SH3RF3: variants seen among roughly 807,000 people sequenced by gnomAD.
SH3RF3 encodes the protein SH3 domain containing ring finger 3, also known as E3 ubiquitin-protein ligase SH3RF3.
In SH3RF3, 29 loss-of-function variants were observed where a neutral mutation model predicts 66.3. The observed-to-expected ratio is 0.44, with a 90% CI of 0.33 to 0.60. SH3RF3 has a LOEUF of 0.60. Ranked by LOEUF, SH3RF3 falls within the 20% of genes least tolerant of loss-of-function variation. The probability of loss-of-function intolerance (pLI) is 0.04; values close to 1 mark genes in which losing one functional copy is unlikely to be tolerated. For synonymous variants in SH3RF3, 583 were observed against 532.0 expected, an observed-to-expected ratio of 1.10 and a Z score of -1.32; for missense variants, 1,194 against 1,190.9, an observed-to-expected ratio of 1.00 and a Z score of -0.04.
At chr2:109,488,634 G>C (rs906913616) in intron 8 of SH3RF3, among the ~76,000 whole-genome samples, 1 of 152,128 alleles carries the variant, frequency 6.6e-6, no homozygotes, top group African/African-American at 2.4e-5. Context: ...TTCTACCCAA[G>C]CAGTTCCCGA....
chr2:109,401,974 C>A (rs1676329000), intron 4 of SH3RF3, among the ~76,000 whole-genome samples: 1 of 152,214 alleles, frequency 6.6e-6, no homozygotes, highest in South Asian at 2.1e-4. Flanking sequence ...CATGGCCAGG[C>A]TACTGACTTT....
intron 1 of SH3RF3, among the ~76,000 whole-genome samples, chr2:109,148,328 A>G (rs1004809048): frequency 1.3e-5 from 2 of 152,244 alleles, no homozygotes; most frequent in Non-Finnish European, 2.9e-5. Context: ...CAGCCAGCCC[A>G]GGCCAGAGCG....
intron 1 of SH3RF3, among the ~76,000 whole-genome samples, chr2:109,130,811 T>C (rs1399869381): frequency 6.6e-6 from 1 of 152,202 alleles, no homozygotes; most frequent in East Asian, 1.9e-4. Flanking sequence ...GGGCCTTCGC[T>C]GCTTCTGTTT....
chr2:109,479,801 A>G (rs1448568591), intron 8 of SH3RF3, among the ~76,000 whole-genome samples: 2 of 152,212 alleles, frequency 1.3e-5, no homozygotes, highest in Non-Finnish European at 2.9e-5. Flanking sequence ...CGGGTTTCGC[A>G]GACCCCCAAA....
chr2:109,436,542 A>G (rs1677404208), intron 6 of SH3RF3, among the ~76,000 whole-genome samples: 2 of 152,246 alleles, frequency 1.3e-5, no homozygotes, highest in Non-Finnish European at 2.9e-5. Context: ...CTCGCGGGAC[A>G]TGACTGAGTC....
At chr2:109,357,787 T>C (rs1475322636) in intron 2 of SH3RF3, among the ~76,000 whole-genome samples, 1 of 152,206 alleles carries the variant, frequency 6.6e-6, no homozygotes, top group Non-Finnish European at 1.5e-5. Context: ...CCGTTGTAAG[T>C]TCACAGCAAA....
intron 1 of SH3RF3, among the ~76,000 whole-genome samples, chr2:109,168,706 A>G (rs1677687713): frequency 6.6e-6 from 1 of 152,154 alleles, no homozygotes; most frequent in African/African-American, 2.4e-5. Context: ...GTCTGTTGTG[A>G]TGCCTTCTGG....
intron 8 of SH3RF3, among the ~76,000 whole-genome samples, chr2:109,467,408 A>G (rs535849055): frequency 1.3e-5 from 2 of 152,362 alleles, no homozygotes; most frequent in East Asian, 1.9e-4. Flanking sequence ...TCCCGTGTCT[A>G]TAAAACTTTG....
intron 8 of SH3RF3, among the ~76,000 whole-genome samples, chr2:109,472,315 C>A: frequency 6.6e-6 from 1 of 151,470 alleles, no homozygotes; most frequent in East Asian, 2.0e-4. Flanking sequence ...AGGGGCCTCC[C>A]GGGCCCTCCT....
intron 1 of SH3RF3, among the ~76,000 whole-genome samples, chr2:109,162,788 C>T (rs116444112): frequency 0.013 from 1,910 of 152,252 alleles, 49 homozygotes; most frequent in African/African-American, 0.043. Context: ...TCTAGATCCC[C>T]GAGGAATCAC....
At chr2:109,404,697 C>A (rs796881129) in intron 4 of SH3RF3, among the ~76,000 whole-genome samples, 2 of 152,082 alleles carry the variant, frequency 1.3e-5, no homozygotes, top group South Asian at 4.1e-4. Flanking sequence ...AGCACCTTTG[C>A]GGAAGGCCCA....
chr2:109,273,228 G>C lies in SH3RF3; in HGVS notation c.574-74446G>C, dbSNP rs572180677. Among the ~76,000 whole-genome samples the C allele has an allele frequency of 2.3e-4, 35 of 152,334 alleles. No homozygotes were observed. The South Asian group carries it at 5.6e-3, about 24-fold the overall frequency. On this transcript the variant is annotated intron_variant, in intron 1 of 9. Transcript: ENST00000309415. ...CCTGAGAATAATTGCACAGTCGTCTGTTCAGTGCTGCCTGCCAGGCTGGGA... is the reference window on the plus strand; with the variant it reads ...CCTGAGAATAATTGCACAGTCGTCTCTTCAGTGCTGCCTGCCAGGCTGGGA...
chr2:109,167,374 C>A (rs1007036807), intron 1 of SH3RF3, among the ~76,000 whole-genome samples: 7 of 152,132 alleles, frequency 4.6e-5, no homozygotes, highest in Non-Finnish European at 8.8e-5. Flanking sequence ...CTCTCTGATG[C>A]CTGGACCATA....
chr2:109,144,222 C>T (rs548144595), intron 1 of SH3RF3, among the ~76,000 whole-genome samples: 5 of 152,240 alleles, frequency 3.3e-5, no homozygotes, highest in Non-Finnish European at 5.9e-5. Context: ...AAGGTAACCA[C>T]GTGAGGTGAT....
At chr2:109,189,358 G>A (rs1864478) in intron 1 of SH3RF3, among the ~76,000 whole-genome samples, 121,658 of 150,354 alleles carry the variant, frequency 0.81, 49,355 homozygotes, top group South Asian at 0.86. Flanking sequence ...TACGTGTTCA[G>A]TCGTTTGACT....
chr2:109,239,283 T>A (rs753309577), intron 1 of SH3RF3, among the ~76,000 whole-genome samples: 32 of 152,074 alleles, frequency 2.1e-4, no homozygotes, highest in Non-Finnish European at 4.4e-4. Context: ...TTCTTGGGGG[T>A]CTCTGTATGG....
At chr2:109,363,572 G>A (rs1310550873) in intron 2 of SH3RF3, among the ~76,000 whole-genome samples, 1 of 152,122 alleles carries the variant, frequency 6.6e-6, no homozygotes, top group African/African-American at 2.4e-5. Flanking sequence ...CTTTCTTTCT[G>A]TAGATCTGAA....
intron 2 of SH3RF3, among the ~76,000 whole-genome samples, chr2:109,359,768 G>A (rs567286228): frequency 6.6e-6 from 1 of 152,166 alleles, no homozygotes; most frequent in African/African-American, 2.4e-5. Flanking sequence ...AGTTTCTTCA[G>A]CATCCTCAAG....
intron 8 of SH3RF3, among the ~76,000 whole-genome samples, chr2:109,460,480 G>A (rs1678181426): frequency 6.6e-6 from 1 of 152,134 alleles, no homozygotes; most frequent in Non-Finnish European, 1.5e-5. Context: ...CTGAGCCCAT[G>A]CATCACCTCC....
Sources: allele counts gnomAD v4.1 joint callset (sites outside exome capture counted in the v4.1 genomes callset), GRCh38; gene constraint gnomAD v4.1.1; transcripts MANE v1.5; gene names NCBI Gene and HGNC (gene_info 2026-07-23, HGNC 2026-07-21).